The following STK24 variants were observed in gnomAD, a reference collection of about 807,000 sequenced individuals.
STK24 encodes serine/threonine kinase 24, also known as serine/threonine-protein kinase 24.
STK24 carries 21 observed loss-of-function variants against 55.6 expected under a neutral mutation model. That is an observed-to-expected ratio of 0.38 (90% confidence interval 0.27 to 0.54). STK24 has a LOEUF of 0.54. Among genes scored for constraint, STK24 ranks in the 20% least tolerant of loss-of-function variants. The probability of loss-of-function intolerance (pLI) is 0.79; values close to 1 mark genes in which losing one functional copy is unlikely to be tolerated. For missense variants in STK24, 383 were observed against 538.4 expected (o/e 0.71, Z 2.86); for synonymous variants, 200 against 215.2 (o/e 0.93, Z 0.62).
At chr13:98,482,711 G>A (rs1894642542) in intron 2 of STK24, among the ~76,000 whole-genome samples, 1 of 152,190 alleles carries the variant, frequency 6.6e-6, no homozygotes, top group Non-Finnish European at 1.5e-5. Context: ...CACACACATC[G>A]GGAGAGCAGT....
intron 1 of STK24, among the ~76,000 whole-genome samples, chr13:98,539,393 T>A (rs1896824139): frequency 6.6e-6 from 1 of 152,176 alleles, no homozygotes; most frequent in African/African-American, 2.4e-5. Flanking sequence ...CATCCTTGGA[T>A]GCCTGAAAAA....
At chr13:98,479,582 T>C (rs577637895) in intron 3 of STK24, among the ~76,000 whole-genome samples, 2 of 152,300 alleles carry the variant, frequency 1.3e-5, no homozygotes, top group Admixed American at 1.3e-4. Context: ...TTCGCTCTGA[T>C]ACGTGGGGCC....
chr13:98,520,897 C>T (rs970856181), intron 1 of STK24, among the ~76,000 whole-genome samples: 4 of 152,272 alleles, frequency 2.6e-5, no homozygotes, highest in Non-Finnish European at 1.5e-5. Flanking sequence ...GCCCCTGCCC[C>T]ATGTTTGTTT....
chr13:98,537,368 G>T (rs1456697059), intron 1 of STK24, among the ~76,000 whole-genome samples: 1 of 152,218 alleles, frequency 6.6e-6, no homozygotes, highest in Non-Finnish European at 1.5e-5. Flanking sequence ...TGTCTGCTTT[G>T]AACAGCAGCG....
At chr13:98,568,003 CT>C (rs35375509) in intron 1 of STK24, among the ~76,000 whole-genome samples, 28,468 of 141,596 alleles carry the variant, frequency 0.2, 3,029 homozygotes, top group African/African-American at 0.29. Flanking sequence ...AAACAGAGAA[CT>C]TTTTTTTTTT....
intron 7 of STK24, among the ~76,000 whole-genome samples, chr13:98,463,482 G>C (rs2093040847): frequency 6.6e-6 from 1 of 151,942 alleles, no homozygotes; most frequent in African/African-American, 2.4e-5. Context: ...TACCACAAGA[G>C]TTCACTCGCA....
intron 1 of STK24, among the ~76,000 whole-genome samples, chr13:98,532,729 CCTA>C (rs1038589357): frequency 6.6e-6 from 1 of 152,226 alleles, no homozygotes; most frequent in African/African-American, 2.4e-5. Flanking sequence ...TTATTTCTAG[CCTA>C]CTGATAACAA....
chr13:98,568,530 G>T (rs566583571), intron 1 of STK24, among the ~76,000 whole-genome samples: 1 of 152,256 alleles, frequency 6.6e-6, no homozygotes, highest in South Asian at 2.1e-4. Context: ...TATGGACCAG[G>T]CTGCAGCAGA....
chr13:98,564,343 A>G (rs1897510883), intron 1 of STK24, among the ~76,000 whole-genome samples: 1 of 152,208 alleles, frequency 6.6e-6, no homozygotes, highest in African/African-American at 2.4e-5. Flanking sequence ...AGCTGGACAG[A>G]TGATACAGAG....
chr13:98,520,171 G>T (rs532041204), intron 1 of STK24, among the ~76,000 whole-genome samples: 3 of 140,442 alleles, frequency 2.1e-5, no homozygotes, highest in African/African-American at 7.7e-5. Flanking sequence ...CAGCTACACA[G>T]TACAGAGTCG....
rs1242190700 is a variant in STK24, at chr13:98,446,675, C to T, written c.*6498G>A. The T allele has an allele frequency of 4.3e-6, 7 of 1,614,070 alleles. No individual in the cohort carries two copies. The Admixed American group carries it at 5.0e-5, about 12-fold the overall frequency. ...TGTTTCCCCTTTCCAGGACAATCAT[C>T]CCCTTGCCAGCCTGCCTCTGCTCGG... On this transcript the variant is annotated 3_prime_UTR_variant, in exon 11 of 11. Coordinates refer to ENST00000539966, the MANE Select transcript of STK24 (RefSeq NM_001032296.4).
At chr13:98,473,618 G>T (rs535288957) in intron 5 of STK24, among the ~76,000 whole-genome samples, 1 of 152,172 alleles carries the variant, frequency 6.6e-6, no homozygotes, top group Non-Finnish European at 1.5e-5. Context: ...CCAGGCAAGG[G>T]CACACACCCA....
Position 98,470,378 on chromosome 13 carries a change from G to T in STK24, c.598-3817C>A, listed in dbSNP as rs1284105692. Among the ~76,000 whole-genome samples the T allele has an allele frequency of 3.3e-5, 5 of 152,136 alleles. No individual in the cohort carries two copies. The South Asian group carries it at 6.2e-4, about 19-fold the overall frequency. ...ACTCCTGGCCTCAAGCTGTCCTCCC[G>T]CCAGGGACTCCCAAAGTGCTGGGAT... On this transcript the variant is annotated intron_variant, in intron 5 of 10. Transcript: ENST00000539966.
chr13:98,502,571 G>C (rs1895516440), intron 2 of STK24, among the ~76,000 whole-genome samples: 1 of 152,164 alleles, frequency 6.6e-6, no homozygotes, highest in South Asian at 2.1e-4. Context: ...ATGTATTAAT[G>C]TGGTGACTTC....
rs555915115 is a variant in STK24 at position 98,542,208 on chromosome 13, G to A, written c.43-22735C>T. Reference sequence around the variant, plus strand: ...GACATCACACTCCACCGACCCTAGCGCTGACTGATATGTCAGCCATTTTAA... The same window carrying A: ...GACATCACACTCCACCGACCCTAGCACTGACTGATATGTCAGCCATTTTAA... On this transcript the variant is annotated intron_variant, in intron 1 of 10. Transcript: ENST00000539966. Among the ~76,000 whole-genome samples, 18 of 152,128 alleles carry A rather than the reference G, an allele frequency of 1.2e-4. No homozygotes were observed. In the South Asian group the frequency reaches 3.5e-3, roughly 30 times the overall value.
intron 10 of STK24, chr13:98,454,921 C>A (rs1893379756): frequency 6.6e-6 from 1 of 152,312 alleles, no homozygotes; most frequent in Non-Finnish European, 1.5e-5. Context: ...TGGCTTCCCC[C>A]ATGCATCACT....
chr13:98,473,233 TGAAA>T (rs1344104471), intron 5 of STK24, among the ~76,000 whole-genome samples: 1 of 3,228 alleles, frequency 3.1e-4, no homozygotes, highest in African/African-American at 1.5e-3. Context: ...AATACAATAA[TGAAA>T]GAGAGAGAAA....
chr13:98,573,595 C>A (rs149182694), intron 1 of STK24, among the ~76,000 whole-genome samples: 24 of 152,290 alleles, frequency 1.6e-4, no homozygotes, highest in African/African-American at 5.8e-4. Flanking sequence ...TCAACCCCTC[C>A]CCTAGGACCT....
At chr13:98,481,832 G>A (rs1210192642) in intron 3 of STK24, among the ~76,000 whole-genome samples, 2 of 152,112 alleles carry the variant, frequency 1.3e-5, no homozygotes, top group Admixed American at 1.3e-4. Context: ...GGGATCACTC[G>A]AGGTCAGGAG....
Sources: allele counts gnomAD v4.1 joint callset (sites outside exome capture counted in the v4.1 genomes callset), GRCh38; gene constraint gnomAD v4.1.1; transcripts MANE v1.5; gene names NCBI Gene and HGNC (gene_info 2026-07-23, HGNC 2026-07-21).